Variants in OR2L13 observed in about 807,000 individuals in gnomAD.
The protein encoded by OR2L13 is olfactory receptor 2L13.
A neutral mutation model predicts 15.3 loss-of-function variants in OR2L13; 14 were observed. That is an observed-to-expected ratio of 0.91 (90% CI 0.60 to 1.43). OR2L13 has a LOEUF of 1.43. OR2L13 is among the 40% of genes most tolerant of loss of function. The pLI is 0.00. For missense variants in OR2L13, 367 were observed against 387.9 expected, an observed-to-expected ratio of 0.95 and a Z score of 0.45; for synonymous variants, 152 against 142.9, an observed-to-expected ratio of 1.06 and a Z score of -0.45.
chr1:247,965,681 A>G, the OR2L13 span: 1 of 1,552,392 alleles, frequency 6.4e-7, no homozygotes, highest in Non-Finnish European at 8.7e-7. Context: ...ATTCAAACGT[A>G]TGTGTTCTTG....
At chr1:248,080,465 C>T in the OR2L13 span, among the ~76,000 whole-genome samples, 1 of 152,090 alleles carries the variant, frequency 6.6e-6, no homozygotes, top group Non-Finnish European at 1.5e-5. Flanking sequence ...GTGTGATGTT[C>T]CCCTCCATGT....
chr1:247,981,868 T>C, the OR2L13 span, among the ~76,000 whole-genome samples: 45 of 151,286 alleles, frequency 3.0e-4, 1 homozygote, highest in South Asian at 2.1e-3. Flanking sequence ...CAGGCTGGAG[T>C]GCAGTGGTGT....
At chr1:248,078,267 G>A in the OR2L13 span, among the ~76,000 whole-genome samples, 1 of 152,094 alleles carries the variant, frequency 6.6e-6, no homozygotes, top group Non-Finnish European at 1.5e-5. Flanking sequence ...TGGATCACGA[G>A]GTCAGGAGAT....
the OR2L13 span, among the ~76,000 whole-genome samples, chr1:248,064,463 G>A: frequency 6.6e-6 from 1 of 152,124 alleles, no homozygotes; most frequent in Non-Finnish European, 1.5e-5. Context: ...CATTTCTCTT[G>A]TTTATAGGTT....
the OR2L13 span, among the ~76,000 whole-genome samples, chr1:248,049,063 T>C: frequency 1.2e-4 from 19 of 152,202 alleles, no homozygotes; most frequent in East Asian, 3.7e-3. Context: ...GAGGAAAATA[T>C]AGGGAGTAAA....
chr1:247,939,260 A>C, the OR2L13 span: 1 of 152,144 alleles, frequency 6.6e-6, no homozygotes, highest in Admixed American at 6.5e-5. Flanking sequence ...CTAGAGGGTG[A>C]ATGAGGAGTT....
upstream of OR2L13, among the ~76,000 whole-genome samples, chr1:248,095,623 T>TTTTTTTTTTTTTTTTC (rs1037934922): frequency 7.7e-6 from 1 of 130,468 alleles, no homozygotes; most frequent in African/African-American, 2.8e-5. Context: ...TTTTTTTTTT[T>TTTTTTTTTTTTTTTTC]TGAGATGGAG....
the OR2L13 span, chr1:247,948,853 G>T: frequency 6.3e-7 from 1 of 1,594,750 alleles, no homozygotes; most frequent in Non-Finnish European, 8.5e-7. Context: ...TTGTAGGAAT[G>T]CTCCATGGAA....
the OR2L13 span, chr1:248,021,884 T>C: frequency 1.2e-4 from 158 of 1,318,458 alleles, no homozygotes; most frequent in Non-Finnish European, 1.6e-4. Context: ...CTGCAGATAA[T>C]GGGGAACTAC....
chr1:247,941,809 A>G, the OR2L13 span, among the ~76,000 whole-genome samples: 1 of 152,198 alleles, frequency 6.6e-6, no homozygotes, highest in Non-Finnish European at 1.5e-5. Context: ...AATGTGTGGC[A>G]GGGATACAGG....
the OR2L13 span, among the ~76,000 whole-genome samples, chr1:248,054,913 AT>A: frequency 6.6e-6 from 1 of 152,118 alleles, no homozygotes; most frequent in African/African-American, 2.4e-5. Context: ...CTTTCTTCCT[AT>A]TTGCATACCC....
chr1:248,089,266 G>T, the OR2L13 span, among the ~76,000 whole-genome samples: 1 of 152,150 alleles, frequency 6.6e-6, no homozygotes, highest in Non-Finnish European at 1.5e-5. Flanking sequence ...CTCCGGAAGG[G>T]TCCCAAGCAC....
the OR2L13 span, chr1:247,966,383 G>T: frequency 1.3e-6 from 2 of 1,543,770 alleles, no homozygotes. Context: ...AAACTATCTG[G>T]AAAGATATAA....
At chr1:248,039,268 T>G in the OR2L13 span, 1 of 1,454,988 alleles carries the variant, frequency 6.9e-7, no homozygotes, top group Non-Finnish European at 9.3e-7. Context: ...TGTACAGCAG[T>G]GAAGAAAAAC....
At chr1:247,982,860 A>G in the OR2L13 span, among the ~76,000 whole-genome samples, 10 of 152,252 alleles carry the variant, frequency 6.6e-5, no homozygotes, top group East Asian at 1.9e-3. Context: ...TTTACTATCT[A>G]TAATGATTTT....
At chr1:248,030,802 A>G in the OR2L13 span, among the ~76,000 whole-genome samples, 1 of 152,176 alleles carries the variant, frequency 6.6e-6, no homozygotes, top group South Asian at 2.1e-4. Context: ...GGAATCACGG[A>G]ACAATCCTGA....
the OR2L13 span, among the ~76,000 whole-genome samples, chr1:248,068,278 CG>C: frequency 6.6e-6 from 1 of 151,812 alleles, no homozygotes; most frequent in African/African-American, 2.4e-5. Context: ...CTCACACGGC[CG>C]GGTACTCCTC....
At chr1:248,084,066 C>G in the OR2L13 span, 7 of 1,610,574 alleles carry the variant, frequency 4.3e-6, no homozygotes, top group Non-Finnish European at 5.9e-6. Flanking sequence ...GGGGGCCTCG[C>G]AGAAGAAGTG....
the OR2L13 span, among the ~76,000 whole-genome samples, chr1:247,993,194 G>T: frequency 1.3e-5 from 2 of 152,090 alleles, no homozygotes; most frequent in Non-Finnish European, 2.9e-5. Flanking sequence ...TCTGTTCGTT[G>T]TTCATGTAAC....
Sources: allele counts gnomAD v4.1 joint callset (sites outside exome capture counted in the v4.1 genomes callset), GRCh38; gene constraint gnomAD v4.1.1; transcripts MANE v1.5; gene names NCBI Gene and HGNC (gene_info 2026-07-23, HGNC 2026-07-21).